ITK: variants seen among roughly 807,000 people sequenced by gnomAD.
The protein encoded by ITK is tyrosine-protein kinase ITK/TSK.
Under a neutral mutation model 87.6 loss-of-function variants are expected in ITK, and 45 were observed. The observed-to-expected ratio is 0.51, with a 90% CI of 0.40 to 0.66. The LOEUF (loss-of-function observed/expected upper bound fraction) is 0.66, where lower values mean the gene tolerates loss of function less well. Among genes scored for constraint, ITK ranks in the 30% least tolerant of loss-of-function variants. The pLI, the probability that ITK is intolerant of heterozygous loss-of-function variation, is 0.00. For missense variants in ITK, 605 were observed against 766.3 expected, an observed-to-expected ratio of 0.79 and a Z score of 2.48; for synonymous variants, 303 against 273.6, an observed-to-expected ratio of 1.11 and a Z score of -1.06.
intron 8 of ITK, among the ~76,000 whole-genome samples, chr5:157,233,229 A>G (rs2113767501): frequency 6.6e-6 from 1 of 152,356 alleles, no homozygotes; most frequent in East Asian, 1.9e-4. Flanking sequence ...ACAGTTACCC[A>G]GCCCTCATCC....
At chr5:157,203,102 T>A (rs939656753) in intron 1 of ITK, among the ~76,000 whole-genome samples, 1 of 152,208 alleles carries the variant, frequency 6.6e-6, no homozygotes, top group African/African-American at 2.4e-5. Flanking sequence ...ATGCCCTTTC[T>A]CTCTCCAGAG....
At position 157,222,511 on chromosome 5, in the gene ITK, A is replaced by G. The variant is rs547333180; in HGVS notation, c.496-352A>G. ...AGATAAACCCACAAATCATATTAGT[A>G]AAGCACAAACTGAAAGATTTCATGT... On this transcript the variant is annotated intron_variant, in intron 5 of 16. Transcript: ENST00000422843. Among the ~76,000 whole-genome samples, 69 of 152,364 alleles carry G rather than the reference A, an allele frequency of 4.5e-4. No homozygotes were observed. In the South Asian group the frequency reaches 5.8e-3, roughly 13 times the overall value.
chr5:157,252,638 T>C lies in ITK; in HGVS notation c.1823T>C (p.Leu608Pro), dbSNP rs1755164342. ...RPEDRPAFSR[L>P]LRQLAEIAES... ...GAAGATCGGCCAGCCTTCTCCAGAC[T>C]GCTGCGTCAACTGGCTGAAATTGCA... The change falls in exon 17 of 17, where the codon CTG becomes CCG. Residue 608 changes from leucine (L) to proline (P), a missense_variant. Physicochemically the swap from Leu to Pro is moderately conservative, Grantham distance 98. Around this residue, in one of 3 missense-constraint regions of ITK, gnomAD observed 71 missense variants for 65.8 expected, o/e 1.08. Coordinates refer to ENST00000422843, the MANE Select transcript of ITK (RefSeq NM_005546.4). 2 of 1,614,192 alleles carry C rather than the reference T, an allele frequency of 1.2e-6. No individual in the cohort carries two copies. The highest frequency in any genetic ancestry group is 1.7e-6 in the Non-Finnish European group (2 of 1,179,976).
At chr5:157,224,479 T>A (rs1171908670) in intron 6 of ITK, 1 of 152,030 alleles carries the variant, frequency 6.6e-6, no homozygotes, top group Non-Finnish European at 1.5e-5. Context: ...ACCTCATTTT[T>A]AAAATAGTTG....
chr5:157,195,082 T>G (rs540911418), intron 1 of ITK: 1 of 152,378 alleles, frequency 6.6e-6, no homozygotes, highest in Non-Finnish European at 1.5e-5. Flanking sequence ...TTGCCATTAA[T>G]AGATATAAGC....
Position 157,238,211 on chromosome 5 carries a change from C to A in ITK, c.851+20C>A, listed in dbSNP as rs1482377891. 3 of 1,578,234 alleles carry A rather than the reference C, an allele frequency of 1.9e-6. No homozygotes were observed. The highest frequency in any genetic ancestry group is 2.6e-6 in the Non-Finnish European group (3 of 1,147,434). ...TGTAAGGTATGGAGCTAACTCTGCT[C>A]AGCAAAGTGGAGAGAAACACTTCTG... On this transcript the variant is annotated intron_variant, in intron 9 of 16. Transcript: ENST00000422843.
intron 3 of ITK, among the ~76,000 whole-genome samples, chr5:157,212,642 T>A (rs1300820409): frequency 1.3e-5 from 2 of 152,170 alleles, no homozygotes; most frequent in Admixed American, 1.3e-4. Flanking sequence ...GCCATGCTCA[T>A]GCCACTGCAC....
intron 5 of ITK, among the ~76,000 whole-genome samples, chr5:157,219,478 C>T (rs931915282): frequency 6.6e-6 from 1 of 152,138 alleles, no homozygotes; most frequent in Admixed American, 6.6e-5. Context: ...CTTTCAGATT[C>T]CATTTCCTCA....
At chr5:157,206,330 A>G (rs1430376183) in intron 1 of ITK, among the ~76,000 whole-genome samples, 5 of 152,136 alleles carry the variant, frequency 3.3e-5, no homozygotes, top group Admixed American at 3.3e-4. Flanking sequence ...ATGTTCATCA[A>G]TATTGGCCTG....
intron 16 of ITK, among the ~76,000 whole-genome samples, chr5:157,251,763 T>C (rs1755142334): frequency 6.6e-6 from 1 of 152,240 alleles, no homozygotes; most frequent in South Asian, 2.1e-4. Flanking sequence ...GAAAAGACTA[T>C]ACCCTTTCTC....
At chr5:157,206,120 A>C (rs181116545) in intron 1 of ITK, among the ~76,000 whole-genome samples, 5 of 151,398 alleles carry the variant, frequency 3.3e-5, no homozygotes, top group Non-Finnish European at 7.4e-5. Flanking sequence ...TATCCAGTTA[A>C]TTTTTGTAAT....
At chr5:157,191,702 A>G (rs1753756411) in intron 1 of ITK, among the ~76,000 whole-genome samples, 1 of 152,138 alleles carries the variant, frequency 6.6e-6, no homozygotes, top group Admixed American at 6.6e-5. Flanking sequence ...ATGATTTTTT[A>G]ATGGTTGAGT....
chr5:157,227,339 T>C (rs1252661590), intron 6 of ITK, among the ~76,000 whole-genome samples: 1 of 152,210 alleles, frequency 6.6e-6, no homozygotes, highest in Non-Finnish European at 1.5e-5. Context: ...AGTTTGATAT[T>C]CTTATTTTGT....
intron 6 of ITK, among the ~76,000 whole-genome samples, chr5:157,227,392 A>C (rs1460875060): frequency 6.6e-6 from 1 of 152,228 alleles, no homozygotes; most frequent in African/African-American, 2.4e-5. Flanking sequence ...ATTCTTGCTC[A>C]AAAGTGACTC....
chr5:157,222,215 G>C (rs757317665), intron 5 of ITK, among the ~76,000 whole-genome samples: 1 of 152,070 alleles, frequency 6.6e-6, no homozygotes, highest in South Asian at 2.1e-4. Context: ...CCTGAACTCT[G>C]GCGACTATGC....
intron 1 of ITK, among the ~76,000 whole-genome samples, chr5:157,194,371 A>G (rs954642856): frequency 2.0e-5 from 3 of 152,176 alleles, no homozygotes; most frequent in African/African-American, 7.2e-5. Context: ...ACAAGGAAAG[A>G]TGCTGTATCC....
In ITK at chr5:157,201,056, T is replaced by C. The variant is rs143874368; in HGVS notation, c.139-7833T>C. 8.6e-5 allele frequency among the ~76,000 whole-genome samples: 13 copies of C among 150,668 alleles called. No individual in the cohort carries two copies. In the East Asian group the frequency reaches 2.6e-3, roughly 30 times the overall value. On this transcript the variant is annotated intron_variant, in intron 1 of 16. Transcript: ENST00000422843. ...CAAATGCAATGTTGGCTCACTATCC[T>C]AAAGTCAATTAAGATAATATACAAT...
intron 6 of ITK, among the ~76,000 whole-genome samples, chr5:157,224,562 C>G (rs1468177401): frequency 6.6e-6 from 1 of 151,998 alleles, no homozygotes; most frequent in Non-Finnish European, 1.5e-5. Context: ...GGCTGATCAC[C>G]TGAGGTCAGG....
rs766717239 is a variant in ITK, at chr5:157,240,062, T to A, written c.852T>A (p.Ser284Arg). The A allele has an allele frequency of 6.2e-7, 1 of 1,611,854 alleles. No individual in the cohort carries two copies. Among genetic ancestry groups the A allele is most frequent in the South Asian group, 1.1e-5 (1 of 91,026 alleles). Residue 284 changes from serine to arginine, a missense_variant and splice_region_variant, in exon 10 of 17, where the codon AGT (serine) becomes AGA (arginine). This residue lies in a region of ITK where 464 missense variants were observed against 578.0 expected (regional missense o/e 0.80). Transcript: ENST00000422843. ...TACATTTGTGTTTCATTTGTTTAAG[T>A]GAGAACAATCCCTGTATAAAGCATT... ...TVSVFTKAVV[S>R]ENNPCIKHYH...
Sources: gnomAD v4.1 joint callset for allele counts (sites outside exome capture counted in the v4.1 genomes callset) on GRCh38, gnomAD v4.1.1 for gene constraint, gnomAD v4.1.1 regional missense constraint, MANE v1.5 for transcripts, NCBI Gene and HGNC (gene_info 2026-07-23, HGNC 2026-07-21) for gene names.